The following OR51E2 variants were observed in gnomAD, a reference collection of about 807,000 sequenced individuals.
OR51E2 encodes the protein olfactory receptor family 51 subfamily E member 2.
A neutral mutation model predicts 13.7 loss-of-function variants in OR51E2; 14 were observed. The ratio of observed to expected loss-of-function variants is 1.02; its 90% CI spans 0.68 to 1.60. The LOEUF is 1.60. OR51E2 is among the 40% of genes most tolerant of loss of function. The probability of loss-of-function intolerance (pLI) is 0.00; values close to 1 mark genes in which losing one functional copy is unlikely to be tolerated. For synonymous variants in OR51E2, 180 were observed against 157.6 expected, an observed-to-expected ratio of 1.14 and a Z score of -1.07; for missense variants, 483 against 413.8, an observed-to-expected ratio of 1.17 and a Z score of -1.45.
intron 1 of OR51E2, chr11:4,691,074 C>A: frequency 2.2e-6 from 1 of 456,742 alleles, no homozygotes; most frequent in Non-Finnish European, 4.4e-6. Flanking sequence ...TAAGTCTACA[C>A]CAACAGTAGA....
chr11:4,696,379 A>G (rs188399959), intron 1 of OR51E2, among the ~76,000 whole-genome samples: 1 of 152,200 alleles, frequency 6.6e-6, no homozygotes. Context: ...GTGTGCACAC[A>G]CATACCCTCC....
chr11:4,687,730 G>T (rs1847531844), intron 1 of OR51E2, among the ~76,000 whole-genome samples: 1 of 152,148 alleles, frequency 6.6e-6, no homozygotes, highest in African/African-American at 2.4e-5. Context: ...GTTGTGGGGA[G>T]AATGGTGACA....
At chr11:4,689,469 G>T (rs1364867030) in intron 1 of OR51E2, among the ~76,000 whole-genome samples, 2 of 152,140 alleles carry the variant, frequency 1.3e-5, no homozygotes, top group Non-Finnish European at 2.9e-5. Flanking sequence ...AGTTGGCAGA[G>T]ATCTCCATAA....
At chr11:4,691,127 T>C (rs989889304) in intron 1 of OR51E2, 4 of 456,512 alleles carry the variant, frequency 8.8e-6, no homozygotes, top group African/African-American at 2.0e-5. Context: ...TTCTGGTGTC[T>C]GTGCATGAGA....
At chr11:4,690,790 C>A in intron 1 of OR51E2, 1 of 418,840 alleles carries the variant, frequency 2.4e-6, no homozygotes, top group Non-Finnish European at 4.7e-6. Context: ...ATTTTTATCA[C>A]AGCTCTACGT....
chr11:4,681,983 G>A lies in OR51E2; in HGVS notation c.729C>T (p.His243=), dbSNP rs773408099. The change falls in exon 2 of 2, where the codon CAC becomes CAT. Residue 243 remains histidine, a synonymous_variant. Transcript: ENST00000396950. ...RAKAFGTCVS[H]IGVVLAFYVP... ...CATAGAAGGCGAGTACCACACCAAT[G>A]TGTGACACACAGGTTCCAAAGGCCT... 6.2e-7 allele frequency: 1 copy of A among 1,614,228 alleles called. No homozygotes were observed. Among genetic ancestry groups the A allele is most frequent in the East Asian group, 2.2e-5 (1 of 44,884 alleles).
intron 1 of OR51E2, chr11:4,690,879 T>G (rs532771552): frequency 1.8e-5 from 8 of 456,618 alleles, no homozygotes; most frequent in African/African-American, 1.6e-4. Context: ...AATCATAGTA[T>G]GTACATAGGC....
chr11:4,688,281 C>T (rs1436995743), intron 1 of OR51E2, among the ~76,000 whole-genome samples: 1 of 151,948 alleles, frequency 6.6e-6, no homozygotes, highest in Non-Finnish European at 1.5e-5. Flanking sequence ...ACATCAAGGG[C>T]CCTGTAATGG....
chr11:4,683,375 A>G (rs1280595604), intron 1 of OR51E2, among the ~76,000 whole-genome samples: 1 of 152,226 alleles, frequency 6.6e-6, no homozygotes, highest in East Asian at 1.9e-4. Flanking sequence ...AGCCAGAGGA[A>G]TAAGAAGCAC....
intron 1 of OR51E2, among the ~76,000 whole-genome samples, chr11:4,686,394 C>T (rs935594953): frequency 2.0e-5 from 3 of 152,120 alleles, no homozygotes; most frequent in African/African-American, 7.2e-5. Flanking sequence ...GAAAGAGAAA[C>T]TGGAGAGGTC....
At position 4,682,276 on chromosome 11, in the gene OR51E2, C is replaced by A; in HGVS notation, c.436G>T (p.Val146Leu). 1 of 1,614,164 alleles carries A rather than the reference C, an allele frequency of 6.2e-7. No individual in the cohort carries two copies. The highest frequency in any genetic ancestry group is 8.5e-7 in the Non-Finnish European group (1 of 1,180,048). The change falls in exon 2 of 2, where the codon GTG becomes TTG. Residue 146 changes from valine to leucine, a missense_variant. By Grantham distance (32) the Val-to-Leu change is conservative (BLOSUM62 1). Coordinates refer to ENST00000396950, the MANE Select transcript of OR51E2 (RefSeq NM_030774.4). ...NNTVTAQIGI[V>L]AVVRGSLFFF... ...AAGAGGGATCCGCGGACCACAGCCA[C>A]GATGCCAATCTGGGCTGTTACTGTA... is the stretch of plus-strand genomic sequence containing the variant.
rs912063157 is a variant in OR51E2 at position 4,680,185 on chromosome 11, AATTTT to A, written c.*1559_*1563del. 2.6e-5 allele frequency: 4 copies of A among 152,180 alleles called. No individual in the cohort carries two copies. Among genetic ancestry groups the A allele is most frequent in the Non-Finnish European group, 5.9e-5 (4 of 68,038 alleles). 9.4% of individuals were successfully genotyped at this position (152,180 alleles called of 1,614,324 possible). On this transcript the variant is annotated 3_prime_UTR_variant, in exon 2 of 2. Coordinates refer to ENST00000396950, the MANE Select transcript of OR51E2 (RefSeq NM_030774.4). ...TAACACTCAGCAAAATTTAAAATAA[AATTTT>A]ATTTTATCTTATACTCAAGTTCAGA...
At position 4,682,564 on chromosome 11, in the gene OR51E2, T is replaced by A. The variant is rs765964906; in HGVS notation, c.148A>T (p.Thr50Ser). Residue 50 changes from threonine to serine, a missense_variant, in exon 2 of 2, where the codon ACG becomes TCG. Thr to Ser is a moderately conservative substitution (Grantham distance 58, BLOSUM62 1). Coordinates refer to ENST00000396950, the MANE Select transcript of OR51E2 (RefSeq NM_030774.4). ...ATCGGAGCGTGCAGGCTGCGTTCCG[T>A]CCTTACGATGAAGACCACGATGCAG... Reference protein sequence around the residue: ...GNCIVVFIVRTERSLHAPMYL... With the variant: ...GNCIVVFIVRSERSLHAPMYL... 72 of 1,613,906 alleles carry A rather than the reference T, an allele frequency of 4.5e-5. No individual in the cohort carries two copies. The highest frequency in any genetic ancestry group is 5.6e-5 in the Non-Finnish European group (66 of 1,179,984).
At chr11:4,694,283 T>C (rs1847625348) in intron 1 of OR51E2, among the ~76,000 whole-genome samples, 1 of 151,916 alleles carries the variant, frequency 6.6e-6, no homozygotes, top group East Asian at 1.9e-4. Flanking sequence ...ACCTGATCTG[T>C]GTTGGGCCTA....
At chr11:4,693,154 A>C (rs1472085428) in intron 1 of OR51E2, among the ~76,000 whole-genome samples, 2 of 152,210 alleles carry the variant, frequency 1.3e-5, no homozygotes, top group African/African-American at 4.8e-5. Flanking sequence ...TGGATATGAT[A>C]ATTAGCTTGA....
At position 4,682,532 on chromosome 11, in the gene OR51E2, G is replaced by A. The variant is rs12576387; in HGVS notation, c.180C>T (p.Leu60=). 2.7e-3 allele frequency: 4,300 copies of A among 1,614,218 alleles called. 6 individuals carry two copies. The highest frequency in any genetic ancestry group is 3.3e-3 in the Non-Finnish European group (3,905 of 1,180,034). The change falls in exon 2 of 2, where the codon CTC becomes CTT. Residue 60 remains leucine, a synonymous_variant. Coordinates refer to ENST00000396950, the MANE Select transcript of OR51E2 (RefSeq NM_030774.4). The part of the protein sequence containing the change: ...TERSLHAPMY[L]FLCMLAAIDL... ...CAATGGCTGCAAGCATGCAGAGAAA[G>A]AGGTACATCGGAGCGTGCAGGCTGC...
intron 1 of OR51E2, chr11:4,691,748 A>T (rs953930053): frequency 2.9e-6 from 1 of 342,844 alleles, no homozygotes; most frequent in African/African-American, 2.1e-5. Context: ...AACAAAAAAA[A>T]GCTACATTCA....
chr11:4,692,391 G>GAT (rs1276696056), intron 1 of OR51E2, among the ~76,000 whole-genome samples: 2 of 152,192 alleles, frequency 1.3e-5, no homozygotes, highest in Non-Finnish European at 2.9e-5. Context: ...GCCCCCACCT[G>GAT]ATATAATGTG....
intron 1 of OR51E2, among the ~76,000 whole-genome samples, chr11:4,693,977 G>C (rs1442780819): frequency 6.6e-6 from 1 of 152,156 alleles, no homozygotes; most frequent in Non-Finnish European, 1.5e-5. Context: ...GGTTATGAAA[G>C]TACAGAGGGG....
Sources: gnomAD v4.1 joint callset for allele counts (sites outside exome capture counted in the v4.1 genomes callset) on GRCh38, gnomAD v4.1.1 for gene constraint, MANE v1.5 for transcripts, NCBI Gene and HGNC (gene_info 2026-07-23, HGNC 2026-07-21) for gene names.